Variants in NR3C2 observed in about 807,000 individuals in gnomAD.
The protein encoded by NR3C2 is nuclear receptor subfamily 3 group C member 2.
In NR3C2, 15 loss-of-function variants were observed where a neutral mutation model predicts 86.4. That is an observed-to-expected ratio of 0.17 (90% CI 0.12 to 0.27). The LOEUF is 0.27. Ranked by LOEUF, NR3C2 falls within the 10% of genes least tolerant of loss-of-function variation. The pLI is 1.00. For synonymous variants in NR3C2, 458 were observed against 450.5 expected (o/e 1.02, Z -0.21); for missense variants, 960 against 1,195.6 (o/e 0.80, Z 2.91).
chr4:148,435,054 C>T, intron 2 of NR3C2, 50 bp downstream of exon 2: 9 of 1,548,248 alleles, frequency 5.8e-6, no homozygotes, highest in Non-Finnish European at 8.0e-6. Context: ...TGCTAACCTT[C>T]AACATGTATA....
intron 2 of NR3C2, among the ~76,000 whole-genome samples, chr4:148,391,477 G>A (rs1013963592): frequency 6.6e-6 from 1 of 152,150 alleles, no homozygotes; most frequent in Non-Finnish European, 1.5e-5. Context: ...AGATATTTCT[G>A]CTCCCCAGAG....
At chr4:148,186,169 A>G (rs1735880065) in intron 4 of NR3C2, among the ~76,000 whole-genome samples, 1 of 152,230 alleles carries the variant, frequency 6.6e-6, no homozygotes, top group African/African-American at 2.4e-5. Context: ...TGTCAAAAAA[A>G]ATAACATCTC....
chr4:148,436,341 C>T lies in NR3C2; in HGVS notation c.520G>A (p.Gly174Ser). Reference protein sequence around the residue: ...FMSDSGSSVNGGVMRAVVKSP... With the variant: ...FMSDSGSSVNSGVMRAVVKSP... ...TTAACAACGGCGCGCATGACGCCAC[C>T]ATTCACGGAGCTCCCAGAGTCAGAC... Residue 174 changes from glycine (G) to serine (S), a missense_variant, in exon 2 of 9, where the codon GGT becomes AGT. Transcript: ENST00000358102. 6.2e-7 allele frequency: 1 copy of T among 1,614,206 alleles called. No individual in the cohort carries two copies. The highest frequency in any genetic ancestry group is 1.1e-5 in the South Asian group (1 of 91,088).
chr4:148,377,788 TTC>T (rs752259271), intron 2 of NR3C2, among the ~76,000 whole-genome samples: 49 of 152,142 alleles, frequency 3.2e-4, no homozygotes, highest in Admixed American at 7.2e-4. Context: ...TTTATTTCTG[TTC>T]TGTTTCCATT....
At chr4:148,417,713 C>T (rs1450211037) in intron 2 of NR3C2, among the ~76,000 whole-genome samples, 3 of 152,178 alleles carry the variant, frequency 2.0e-5, no homozygotes, top group African/African-American at 7.2e-5. Context: ...TGGGCCTTTT[C>T]CCAAAACAAT....
intron 3 of NR3C2, among the ~76,000 whole-genome samples, chr4:148,241,654 T>TC (rs1739054676): frequency 2.0e-5 from 3 of 152,082 alleles, no homozygotes; most frequent in Admixed American, 6.6e-5. Context: ...ATCTTTTCCT[T>TC]CCCCCACCCA....
intron 3 of NR3C2, among the ~76,000 whole-genome samples, chr4:148,210,117 A>G (rs996499845): frequency 6.6e-6 from 1 of 152,084 alleles, no homozygotes; most frequent in Non-Finnish European, 1.5e-5. Flanking sequence ...TCTTTTTGCT[A>G]ATGAGAATAA....
At chr4:148,336,492 G>A (rs2149975514) in intron 2 of NR3C2, among the ~76,000 whole-genome samples, 1 of 152,242 alleles carries the variant, frequency 6.6e-6, no homozygotes, top group East Asian at 1.9e-4. Flanking sequence ...GGATAAATGG[G>A]ATAAATGGCG....
At chr4:148,144,825 T>A (rs1733789423) in intron 6 of NR3C2, among the ~76,000 whole-genome samples, 2 of 152,196 alleles carry the variant, frequency 1.3e-5, no homozygotes, top group African/African-American at 4.8e-5. Context: ...CAGATAAGGA[T>A]CGACTATTTT....
chr4:148,444,694 G>T (rs774390708), upstream of NR3C2: 544 of 985,460 alleles, frequency 5.5e-4, no homozygotes, highest in Non-Finnish European at 5.8e-4. Flanking sequence ...GGTGGGTAGA[G>T]CAATAGTGCT....
In NR3C2 at chr4:148,435,599, G is replaced by A; in HGVS notation, c.1262C>T (p.Ser421Phe). 1 of 1,614,110 alleles carries A rather than the reference G, an allele frequency of 6.2e-7. No homozygotes were observed. Among genetic ancestry groups the A allele is most frequent in the Middle Eastern group, 1.6e-4 (1 of 6,062 alleles). The change falls in exon 2 of 9, where the codon TCT (serine) becomes TTT (phenylalanine). Residue 421 changes from serine (S) to phenylalanine (F), a missense_variant. This residue lies in a region of NR3C2 where 680 missense variants were observed against 719.0 expected (regional missense o/e 0.95). Transcript: ENST00000358102. Reference protein sequence around the residue: ...LGGNSKINSDSSFSVPIKQES... With the variant: ...LGGNSKINSDFSFSVPIKQES... ...TTGCTTTATTGGTACTGAGAATGAA[G>A]AATCCGAATTTATTTTGCTATTTCC...
At chr4:148,169,429 T>C (rs1046260458) in intron 4 of NR3C2, among the ~76,000 whole-genome samples, 7 of 151,932 alleles carry the variant, frequency 4.6e-5, no homozygotes, top group Non-Finnish European at 1.0e-4. Flanking sequence ...AATTAGAAAT[T>C]TGGGAAAGGA....
intron 2 of NR3C2, among the ~76,000 whole-genome samples, chr4:148,379,815 A>C (rs7691663): frequency 0.46 from 70,065 of 151,984 alleles, 17,613 homozygotes; most frequent in African/African-American, 0.66. Context: ...CTGGCCTCTG[A>C]TCTTGTTCTT....
intron 3 of NR3C2, among the ~76,000 whole-genome samples, chr4:148,216,825 C>G (rs1186592187): frequency 1.3e-5 from 2 of 152,158 alleles, no homozygotes; most frequent in African/African-American, 2.4e-5. Flanking sequence ...ACCCTGCTAT[C>G]TGAACATGTT....
chr4:148,435,507 A>C lies in NR3C2; in HGVS notation c.1354T>G (p.Phe452Val). The C allele has an allele frequency of 6.2e-7, 1 of 1,614,180 alleles. No individual in the cohort carries two copies. ...KGNPTVNPFP[F>V]MDGSYFSFMD... ...AAGGAAAAATACGAGCCATCCATAA[A>C]TGGAAACGGGTTTACTGTTGGATTC... The change falls in exon 2 of 9, where the codon TTT becomes GTT. Residue 452 changes from phenylalanine (F) to valine (V), a missense_variant. This residue lies in a region of NR3C2 where 680 missense variants were observed against 719.0 expected (regional missense o/e 0.95). Transcript: ENST00000358102.
At chr4:148,309,304 T>C (rs1742792288) in intron 2 of NR3C2, among the ~76,000 whole-genome samples, 1 of 152,230 alleles carries the variant, frequency 6.6e-6, no homozygotes, top group East Asian at 1.9e-4. Flanking sequence ...ACTAAAGTTA[T>C]TTAATAAACA....
chr4:148,157,666 T>A (rs1049485788), intron 4 of NR3C2, among the ~76,000 whole-genome samples: 1 of 152,128 alleles, frequency 6.6e-6, no homozygotes, highest in Non-Finnish European at 1.5e-5. Flanking sequence ...AGCTTAGGTA[T>A]GTGAGAATTA....
intron 6 of NR3C2, among the ~76,000 whole-genome samples, chr4:148,126,591 A>G (rs1732758150): frequency 1.3e-5 from 2 of 152,236 alleles, no homozygotes; most frequent in Admixed American, 1.3e-4. Flanking sequence ...ATGTGTTAAC[A>G]AAACATCCAC....
intron 6 of NR3C2, among the ~76,000 whole-genome samples, chr4:148,129,917 A>C (rs2149741544): frequency 6.6e-6 from 1 of 152,340 alleles, no homozygotes; most frequent in East Asian, 1.9e-4. Flanking sequence ...AGATCGATTA[A>C]GAAACTAATA....
Sources: allele counts gnomAD v4.1 joint callset (sites outside exome capture counted in the v4.1 genomes callset), GRCh38; gene constraint gnomAD v4.1.1; regional missense constraint gnomAD v4.1.1; transcripts MANE v1.5; gene names NCBI Gene and HGNC (gene_info 2026-07-23, HGNC 2026-07-21).